EDRF1: variants seen among roughly 807,000 people sequenced by gnomAD.
The protein encoded by EDRF1 is erythroid differentiation-related factor 1.
Under a neutral mutation model 148.7 loss-of-function variants are expected in EDRF1, and 69 were observed. The observed-to-expected ratio is 0.46, with a 90% CI of 0.38 to 0.57. EDRF1 has a LOEUF of 0.57. Ranked by LOEUF, EDRF1 falls within the 20% of genes least tolerant of loss-of-function variation. The pLI is 0.00. For synonymous variants in EDRF1, 515 were observed against 532.8 expected (o/e 0.97, Z 0.46); for missense variants, 1,118 against 1,478.7 (o/e 0.76, Z 4.00).
chr10:125,757,433 G>A (rs951453852), intron 24 of EDRF1, among the ~76,000 whole-genome samples: 9 of 152,236 alleles, frequency 5.9e-5, no homozygotes, highest in African/African-American at 2.2e-4. Flanking sequence ...TTGTACATAT[G>A]TTATAAACAG....
intron 17 of EDRF1, among the ~76,000 whole-genome samples, chr10:125,741,895 G>A (rs4962484): frequency 0.62 from 94,110 of 151,730 alleles, 32,007 homozygotes; most frequent in East Asian, 0.79. Context: ...GTTTCACCAC[G>A]TTGCCCCAGA....
intron 21 of EDRF1, 29 bp from the exon 22 acceptor site, chr10:125,749,383 A>G (rs1189338639): frequency 1.2e-6 from 2 of 1,614,120 alleles, no homozygotes; most frequent in East Asian, 4.5e-5. Context: ...ACCGTGAAGG[A>G]TTTGTTGCTT....
intron 2 of EDRF1, among the ~76,000 whole-genome samples, chr10:125,722,454 ACT>A (rs1848053972): frequency 6.6e-6 from 1 of 152,104 alleles, no homozygotes; most frequent in African/African-American, 2.4e-5. Context: ...AAGTGTCCTG[ACT>A]CTGCCATTTA....
At position 125,763,571 on chromosome 10, in the gene EDRF1, C is replaced by T; in HGVS notation, c.*99C>T. 7.6e-7 allele frequency: 1 copy of T among 1,311,352 alleles called. No homozygotes were observed. The highest frequency in any genetic ancestry group is 1.1e-6 in the Non-Finnish European group (1 of 942,884). 81.2% of individuals were successfully genotyped at this position (1,311,352 alleles called of 1,614,324 possible). On this transcript the variant is annotated 3_prime_UTR_variant, in exon 25 of 25. Coordinates refer to ENST00000356792, the MANE Select transcript of EDRF1 (RefSeq NM_001202438.2). The surrounding 1 kb of genome is among the most constrained non-coding windows in gnomAD (Gnocchi z 4.3). ...TTTCATTAAATAATAGGGAAATATC[C>T]ATTTAAAACAGGTATATCAGTGGAA...
At chr10:125,756,836 A>G in intron 24 of EDRF1, 1 of 432,626 alleles carries the variant, frequency 2.3e-6, no homozygotes, top group Non-Finnish European at 4.6e-6. Flanking sequence ...TTTTTGAGAC[A>G]AGGTCTCACT....
chr10:125,741,184 G>C lies in EDRF1; in HGVS notation c.2354G>C (p.Arg785Thr). The C allele has an allele frequency of 6.2e-7, 1 of 1,614,196 alleles. No individual in the cohort carries two copies. The highest frequency in any genetic ancestry group is 1.3e-5 in the African/African-American group (1 of 75,054). Residue 785 changes from arginine to threonine, a missense_variant, in exon 17 of 25, where the codon AGA (arginine) becomes ACA (threonine). Transcript: ENST00000356792. The part of the protein sequence containing the change: ...EDQEILHSLH[R>T]ESSCQGFAWA... ...CAGGAGATCCTGCATAGCCTTCACA[G>C]AGAGTCCAGTTGCCAAGGTGTGCCA...
intron 13 of EDRF1, among the ~76,000 whole-genome samples, chr10:125,736,259 ATAGAG>A (rs1366265840): frequency 4.3e-4 from 65 of 152,286 alleles, no homozygotes; most frequent in Non-Finnish European, 7.5e-4. Flanking sequence ...CTTGGTGAAC[ATAGAG>A]TAGAGAAGGG....
chr10:125,726,351 C>A (rs1848257974), intron 6 of EDRF1, among the ~76,000 whole-genome samples: 1 of 152,116 alleles, frequency 6.6e-6, no homozygotes, highest in Non-Finnish European at 1.5e-5. Flanking sequence ...AGATAAAATT[C>A]CTGAAACTTA....
chr10:125,723,209 C>A, intron 3 of EDRF1, 75 bp downstream of exon 3: 2 of 1,296,604 alleles, frequency 1.5e-6, no homozygotes, highest in Non-Finnish European at 2.2e-6. Context: ...CTGTGTTTTG[C>A]ATAATATAAA....
At position 125,747,705 on chromosome 10, in the gene EDRF1, T is replaced by C. The variant is rs997351204; in HGVS notation, c.2973+11T>C. ...AAAGCTCAGGAGCAGGTGATAATATTTGCTGGAGTATAAAATAAGTTCTCA... is the reference window on the plus strand; with the variant it reads ...AAAGCTCAGGAGCAGGTGATAATATCTGCTGGAGTATAAAATAAGTTCTCA... On this transcript the variant is annotated intron_variant, in intron 20 of 24. Coordinates refer to ENST00000356792, the MANE Select transcript of EDRF1 (RefSeq NM_001202438.2). The C allele has an allele frequency of 6.2e-7, 1 of 1,614,008 alleles. No homozygotes were observed. The highest frequency in any genetic ancestry group is 1.3e-5 in the African/African-American group (1 of 74,940).
intron 13 of EDRF1, among the ~76,000 whole-genome samples, chr10:125,737,006 A>G (rs1280205836): frequency 3.9e-5 from 6 of 152,036 alleles, no homozygotes. Context: ...AGAACACATT[A>G]TGGGTGCTCA....
intron 21 of EDRF1, 60 bp from the exon 22 acceptor site, chr10:125,749,350 ACT>A: frequency 1.9e-6 from 3 of 1,589,426 alleles, no homozygotes; most frequent in Non-Finnish European, 2.6e-6. Flanking sequence ...ACTAAGAAGC[ACT>A]TAGTGAAGCC....
Position 125,730,325 on chromosome 10 carries a change from G to T in EDRF1, c.1054G>T (p.Asp352Tyr). The T allele has an allele frequency of 6.2e-7, 1 of 1,613,962 alleles. No homozygotes were observed. Among genetic ancestry groups the T allele is most frequent in the South Asian group, 1.1e-5 (1 of 91,064 alleles). ...ACCAATTAATGTGCTAACTGGAATT[G>T]ACTATTGGTTGGACAACTTGATATG... Reference protein sequence around the residue: ...NKPINVLTGIDYWLDNLICNV... With the variant: ...NKPINVLTGIYYWLDNLICNV... Residue 352 changes from aspartate to tyrosine, a missense_variant, in exon 9 of 25, where the codon GAC (aspartate) becomes TAC (tyrosine). Asp to Tyr is a radical substitution (Grantham distance 160, BLOSUM62 -3). Coordinates refer to ENST00000356792, the MANE Select transcript of EDRF1 (RefSeq NM_001202438.2).
chr10:125,725,939 T>G (rs1848239433), intron 6 of EDRF1, 101 bp downstream of exon 6: 1 of 1,277,792 alleles, frequency 7.8e-7, no homozygotes. Context: ...CTAAGAAATA[T>G]TCTGTCAGCT....
chr10:125,725,246 G>A (rs1039257021), intron 4 of EDRF1, 72 bp from the exon 5 acceptor site: 2 of 1,577,708 alleles, frequency 1.3e-6, no homozygotes, highest in African/African-American at 1.4e-5. Context: ...AGCCTTTTCT[G>A]TAAGCTAGTA....
In EDRF1 at chr10:125,743,069, G is replaced by T; in HGVS notation, c.2383G>T (p.Ala795Ser). 6.2e-7 allele frequency: 1 copy of T among 1,613,606 alleles called. No individual in the cohort carries two copies. The highest frequency in any genetic ancestry group is 8.5e-7 in the Non-Finnish European group (1 of 1,179,882). Residue 795 changes from alanine (A) to serine (S), a missense_variant, in exon 18 of 25, where the codon GCA becomes TCA. Ala to Ser is a moderately conservative substitution (Grantham distance 99, BLOSUM62 1). Coordinates refer to ENST00000356792, the MANE Select transcript of EDRF1 (RefSeq NM_001202438.2). ...RESSCQGFAW[A>S]TDLSTDLESQ... ...TTTTTTCTTTTCAGGATTTGCATGG[G>T]CAACTGATTTGTCTACAGACTTAGA...
At chr10:125,723,986 C>A in intron 4 of EDRF1, 50 bp downstream of exon 4, 1 of 1,603,230 alleles carries the variant, frequency 6.2e-7, no homozygotes, top group Non-Finnish European at 8.5e-7. Flanking sequence ...CTTAAGAGCA[C>A]TAGAAATACG....
chr10:125,723,552 A>G (rs1003558709), intron 3 of EDRF1, among the ~76,000 whole-genome samples: 1 of 152,176 alleles, frequency 6.6e-6, no homozygotes, highest in African/African-American at 2.4e-5. Flanking sequence ...ATACACCCTT[A>G]ACTTTAAGAA....
intron 21 of EDRF1, chr10:125,748,285 ATC>A (rs1299360500): frequency 8.0e-6 from 4 of 501,898 alleles, no homozygotes; most frequent in Non-Finnish European, 7.2e-6. Context: ...TTTGAGATAC[ATC>A]TGTGTTGGCA....
Sources: gnomAD v4.1 joint callset for allele counts (sites outside exome capture counted in the v4.1 genomes callset) on GRCh38, gnomAD v4.1.1 for gene constraint, Gnocchi (gnomAD v3.1) non-coding constraint, MANE v1.5 for transcripts, NCBI Gene and HGNC (gene_info 2026-07-23, HGNC 2026-07-21) for gene names.